Variants in USH2A observed in about 807,000 individuals in gnomAD.
USH2A encodes the protein usherin.
Under a neutral mutation model 538.9 loss-of-function variants are expected in USH2A, and 443 were observed. That is an observed-to-expected ratio of 0.82 (90% confidence interval 0.76 to 0.89). The LOEUF (loss-of-function observed/expected upper bound fraction) is 0.89, where lower values mean the gene tolerates loss of function less well. Among genes scored for constraint, USH2A ranks in the 40% least tolerant of loss-of-function variants. The pLI is 0.00. For synonymous variants in USH2A, 2,413 were observed against 2,273.5 expected (o/e 1.06, Z -1.75); for missense variants, 6,633 against 6,324.8 (o/e 1.05, Z -1.65).
At position 216,196,788 on chromosome 1, in the gene USH2A, T is replaced by G. The variant is rs386851; in HGVS notation, c.4082-66A>C. ...TGTCGTCCCTATATATTTTTAAATT[T>G]AATTCACACATTCATTTAGTTTCTG... On this transcript the variant is annotated intron_variant, in intron 18 of 71. Transcript: ENST00000307340. 0.88 allele frequency: 1,353,818 copies of G among 1,540,688 alleles called. 595,897 individuals carry two copies. The highest frequency in any genetic ancestry group is 0.99 in the East Asian group (41,043 of 41,514).
chr1:216,128,212 T>C (rs1281131292), intron 21 of USH2A, among the ~76,000 whole-genome samples: 3 of 152,174 alleles, frequency 2.0e-5, no homozygotes, highest in Non-Finnish European at 4.4e-5. Flanking sequence ...AAAATTTATG[T>C]ATGCCCAACA....
intron 21 of USH2A, among the ~76,000 whole-genome samples, chr1:216,148,309 C>CT (rs1289412567): frequency 2.8e-4 from 42 of 151,906 alleles, no homozygotes; most frequent in Middle Eastern, 3.4e-3. Context: ...CCTTATTAGG[C>CT]TGAGACACTT....
chr1:216,102,175 C>T (rs2032597850), intron 21 of USH2A, among the ~76,000 whole-genome samples: 2 of 149,856 alleles, frequency 1.3e-5, no homozygotes, highest in Non-Finnish European at 3.0e-5. Flanking sequence ...TACCAAGATA[C>T]ATAGCCAGAA....
chr1:216,156,295 C>CTTTTTTTTTTTTTTTTTTTTTTTT (rs35698520), intron 21 of USH2A, among the ~76,000 whole-genome samples: 24 of 105,522 alleles, frequency 2.3e-4, no homozygotes, highest in African/African-American at 4.0e-4. Flanking sequence ...TTTTTTTTTT[C>CTTTTTTTTTTTTTTTTTTTTTTTT]TTTTTTTTTT....
At chr1:216,290,454 A>G (rs2036980575) in intron 10 of USH2A, among the ~76,000 whole-genome samples, 2 of 152,138 alleles carry the variant, frequency 1.3e-5, no homozygotes. Context: ...TGTACCAAAT[A>G]CTGTGCTAAG....
At position 215,802,315 on chromosome 1, in the gene USH2A, T is replaced by C. The variant is rs1456178823; in HGVS notation, c.9740-3190A>G. On this transcript the variant is annotated intron_variant, in intron 49 of 71. Transcript: ENST00000307340. ...AACTTTTTGGCATCAAAGAACACTG[T>C]CAACAAAGTGAAAAGGCAACTCATG... is the stretch of plus-strand genomic sequence containing the variant. 2.6e-5 allele frequency among the ~76,000 whole-genome samples: 4 copies of C among 151,956 alleles called. No individual in the cohort carries two copies. The South Asian group carries it at 8.3e-4, about 31-fold the overall frequency.
At chr1:216,367,350 G>A (rs1348033078) in intron 3 of USH2A, among the ~76,000 whole-genome samples, 3 of 152,128 alleles carry the variant, frequency 2.0e-5, no homozygotes, top group African/African-American at 7.2e-5. Context: ...GTCTAATAAA[G>A]GTAATAATTC....
intron 32 of USH2A, among the ~76,000 whole-genome samples, chr1:216,010,657 G>T (rs1196087860): frequency 6.6e-6 from 1 of 151,716 alleles, no homozygotes; most frequent in Non-Finnish European, 1.5e-5. Flanking sequence ...TTGACGGCCA[G>T]GCTTCTAAAC....
At chr1:215,748,547 C>G (rs1243966863) in intron 58 of USH2A, among the ~76,000 whole-genome samples, 2 of 152,122 alleles carry the variant, frequency 1.3e-5, no homozygotes, top group African/African-American at 4.8e-5. Flanking sequence ...GTTTTCAGAC[C>G]TCCTGGGATT....
intron 35 of USH2A, among the ~76,000 whole-genome samples, chr1:215,981,683 C>A (rs771798064): frequency 2.0e-5 from 3 of 152,108 alleles, no homozygotes; most frequent in Non-Finnish European, 4.4e-5. Flanking sequence ...AAATGAGAAT[C>A]CATTTGAGGA....
intron 70 of USH2A, 69 bp from the exon 71 acceptor site, chr1:215,629,104 T>C (rs1656173795): frequency 6.9e-7 from 1 of 1,449,606 alleles, no homozygotes; most frequent in Non-Finnish European, 9.7e-7. Flanking sequence ...CAGAGAATTG[T>C]GTCTCACACA....
intron 32 of USH2A, among the ~76,000 whole-genome samples, chr1:216,034,179 G>A (rs929340851): frequency 8.5e-5 from 13 of 152,244 alleles, no homozygotes; most frequent in African/African-American, 3.1e-4. Flanking sequence ...ATTTGTGCGT[G>A]GAAGAAAATG....
intron 43 of USH2A, among the ~76,000 whole-genome samples, chr1:215,876,279 T>C (rs1664767310): frequency 6.6e-6 from 1 of 152,142 alleles, no homozygotes; most frequent in African/African-American, 2.4e-5. Context: ...AAGTGGCAGT[T>C]TCATATAGTT....
chr1:215,766,772 G>T lies in USH2A; in HGVS notation c.10956C>A (p.Thr3652=). The T allele has an allele frequency of 6.2e-7, 1 of 1,613,516 alleles. No individual in the cohort carries two copies. The highest frequency in any genetic ancestry group is 8.5e-7 in the Non-Finnish European group (1 of 1,179,564). ...AAGCTGTAAGAGTGAAGCTGTAGTTGGTGTATGGCTGGAGACCTAGAAAAA... is the reference window on the plus strand; with the variant it reads ...AAGCTGTAAGAGTGAAGCTGTAGTTTGTGTATGGCTGGAGACCTAGAAAAA... ...QHTVTGLQPY[T]NYSFTLTACT... is the part of the protein sequence containing the mutation. The change falls in exon 56 of 72, where the codon ACC becomes ACA. Residue 3652 remains threonine (T), a synonymous_variant. Transcript: ENST00000307340.
At chr1:215,687,494 A>G (rs893832061) in intron 61 of USH2A, among the ~76,000 whole-genome samples, 1 of 152,136 alleles carries the variant, frequency 6.6e-6, no homozygotes, top group Non-Finnish European at 1.5e-5. Context: ...TAACCTATAA[A>G]GCAAAAGCTA....
chr1:216,330,452 G>A (rs185528006), intron 4 of USH2A, among the ~76,000 whole-genome samples: 13 of 152,054 alleles, frequency 8.5e-5, no homozygotes, highest in East Asian at 1.9e-4. Flanking sequence ...TGAGTCATAC[G>A]TATATCTAGG....
intron 35 of USH2A, among the ~76,000 whole-genome samples, chr1:215,976,494 T>C (rs1667622682): frequency 6.6e-6 from 1 of 152,198 alleles, no homozygotes; most frequent in Non-Finnish European, 1.5e-5. Context: ...TTTTGATGCC[T>C]ACTTTGTTGA....
chr1:215,762,274 A>C (rs1661001935), intron 56 of USH2A, among the ~76,000 whole-genome samples: 4 of 152,216 alleles, frequency 2.6e-5, no homozygotes, highest in Non-Finnish European at 5.9e-5. Flanking sequence ...ATAAAATCTT[A>C]ATTCATAATC....
In USH2A at chr1:216,341,749, G is replaced by T. The variant is rs372922552; in HGVS notation, c.785-14095C>A. Among the ~76,000 whole-genome samples the T allele has an allele frequency of 6.3e-4, 96 of 152,226 alleles. 1 individual carries two copies. Among genetic ancestry groups the T allele is most frequent in the African/African-American group, 2.3e-3 (95 of 41,556 alleles). Reference sequence around the variant, plus strand: ...GTACAAAAACAAGCAATGGGGAAAAGATTCCCTATTTTATAAATGGTGCTG... The same window carrying T: ...GTACAAAAACAAGCAATGGGGAAAATATTCCCTATTTTATAAATGGTGCTG... On this transcript the variant is annotated intron_variant, in intron 4 of 71. Transcript: ENST00000307340.
Sources: gnomAD v4.1 joint callset for allele counts (sites outside exome capture counted in the v4.1 genomes callset) on GRCh38, gnomAD v4.1.1 for gene constraint, MANE v1.5 for transcripts, NCBI Gene and HGNC (gene_info 2026-07-23, HGNC 2026-07-21) for gene names.